Variants in PDHA1 observed in about 807,000 individuals in gnomAD.
The protein encoded by PDHA1 is pyruvate dehydrogenase E1 subunit alpha 1.
A neutral mutation model predicts 33.0 loss-of-function variants in PDHA1; 1 was observed. The observed-to-expected ratio is 0.03, with a 90% CI of 0.01 to 0.14. The LOEUF (loss-of-function observed/expected upper bound fraction) is 0.14, where lower values mean the gene tolerates loss of function less well. Ranked by LOEUF, PDHA1 falls within the 10% of genes least tolerant of loss-of-function variation. The probability of loss-of-function intolerance (pLI) is 1.00; values close to 1 mark genes in which losing one functional copy is unlikely to be tolerated. For synonymous variants in PDHA1, 123 were observed against 119.2 expected (o/e 1.03, Z -0.21); for missense variants, 168 against 325.1 (o/e 0.52, Z 3.72).
intron 3 of PDHA1, among the ~76,000 whole-genome samples, chrX:19,350,697 C>G (rs974314023): frequency 1.8e-5 from 2 of 112,686 alleles, no homozygotes; most frequent in African/African-American, 6.4e-5. Context: ...TTAAAACTTT[C>G]TGGCACTATG....
chrX:19,345,752 C>T (rs764903047), intron 1 of PDHA1: 3 of 261,773 alleles, frequency 1.1e-5, no homozygotes, highest in South Asian at 8.4e-5. Flanking sequence ...GGGTCCCCCC[C>T]CCCCCGCCAC....
rs11318265 is a variant in PDHA1 at position 19,345,572 on chromosome X, TAAAAAAA to T, written c.57+1502_57+1508del. On this transcript the variant is annotated intron_variant, in intron 1 of 10. Coordinates refer to ENST00000422285, the MANE Select transcript of PDHA1 (RefSeq NM_000284.4). Reference sequence around the variant, plus strand: ...GCGACAAGAGCAAGACTCCGTATTTTAAAAAAAAAAAAAAAAAAAAAAAAAAAAAAGC... The same window carrying T: ...GCGACAAGAGCAAGACTCCGTATTTTAAAAAAAAAAAAAAAAAAAAAAAGC... Among the ~76,000 whole-genome samples the T allele has an allele frequency of 1.7e-4, 5 of 30,268 alleles. No individual in the cohort carries two copies. In the South Asian group the frequency reaches 0.011, roughly 69 times the overall value. The allele number at this position is 30,268 out of a possible 115,157, so 26.3% of individuals were successfully genotyped here.
chrX:19,348,041 C>A (rs1304680856), intron 1 of PDHA1, among the ~76,000 whole-genome samples: 1 of 112,473 alleles, frequency 8.9e-6, no homozygotes, highest in Non-Finnish European at 1.9e-5. Flanking sequence ...ACTCTTCTCA[C>A]CAAGATCAGT....
In PDHA1 at chrX:19,353,027, G is replaced by A. The variant is rs992604670; in HGVS notation, c.419-55G>A. ...GAGTACATATTTGGGGTGCGGTTTG[G>A]TTTGCTTTGTAGAGTTGGTTTGTTC... is the stretch of plus-strand genomic sequence containing the variant. On this transcript the variant is annotated intron_variant, in intron 4 of 10. Transcript: ENST00000422285. 3 of 1,013,859 alleles carry A rather than the reference G, an allele frequency of 3.0e-6. No homozygotes were observed. In the African/African-American group the frequency reaches 5.6e-5, roughly 19 times the overall value. 83.6% of individuals were successfully genotyped at this position (1,013,859 alleles called of 1,213,427 possible). A position where few individuals can be genotyped will look rare whatever the true frequency, so the allele number is the denominator to read the frequency against.
intron 2 of PDHA1, 79 bp from the exon 3 acceptor site, chrX:19,349,858 A>G (rs1454147442): frequency 1.3e-5 from 10 of 788,359 alleles, no homozygotes; most frequent in South Asian, 2.1e-5. Flanking sequence ...ATTATTTGCA[A>G]TGGAGTTAGA....
chrX:19,355,806 C>G (rs1446080306), intron 8 of PDHA1, 49 bp downstream of exon 8: 3 of 937,980 alleles, frequency 3.2e-6, no homozygotes, highest in Non-Finnish European at 3.1e-6. Context: ...TCTGGAAGTT[C>G]AAAGACTGCC....
Position 19,359,988 on chromosome X carries a change from GCATTCTACCAACCAT to G in PDHA1, c.*336_*350del. On this transcript the variant is annotated 3_prime_UTR_variant, in exon 11 of 11. Coordinates refer to ENST00000422285, the MANE Select transcript of PDHA1 (RefSeq NM_000284.4). ...GACCATTATGGCGGGGCCCCTCACA[GCATTCTACCAACCAT>G]AGCACCCACCCCGAGCAGCGCTGGT... is the stretch of plus-strand genomic sequence containing the variant. The G allele has an allele frequency of 3.4e-6, 1 of 292,613 alleles. No individual in the cohort carries two copies. Among genetic ancestry groups the G allele is most frequent in the South Asian group, 3.6e-5 (1 of 27,948 alleles). 24.1% of individuals were successfully genotyped at this position (292,613 alleles called of 1,213,427 possible). A position where few individuals can be genotyped will look rare whatever the true frequency, so the allele number is the denominator to read the frequency against.
chrX:19,349,274 A>C, intron 1 of PDHA1, 38 bp from the exon 2 acceptor site: 1 of 964,166 alleles, frequency 1.0e-6, no homozygotes, highest in Non-Finnish European at 1.5e-6. Context: ...CTGACAATTA[A>C]AAAGTACTGA....
chrX:19,359,687 G>GCTACCAGACAGTGTT lies in PDHA1; in HGVS notation c.*37_*51dup, dbSNP rs1031639189. On this transcript the variant is annotated 3_prime_UTR_variant, in exon 11 of 11. Transcript: ENST00000422285. ...GAAGGAGAGGTTATACCTTCAGGGG[G>GCTACCAGACAGTGTT]CTACCAGACAGTGTTCTCAACTTGG... The GCTACCAGACAGTGTT allele has an allele frequency of 4.4e-6, 5 of 1,141,871 alleles. No individual in the cohort carries two copies. Among genetic ancestry groups the GCTACCAGACAGTGTT allele is most frequent in the Admixed American group, 2.2e-5 (1 of 45,528 alleles). 94.1% of individuals were successfully genotyped at this position (1,141,871 alleles called of 1,213,427 possible).
chrX:19,359,193 C>T (rs752541673), intron 10 of PDHA1, among the ~76,000 whole-genome samples, 169 bp downstream of exon 10: 1 of 111,411 alleles, frequency 9.0e-6, no homozygotes, highest in African/African-American at 3.3e-5. Flanking sequence ...CTTTAGTTTC[C>T]TCTATTCAAA....
chrX:19,358,656 C>G (rs2063224693), intron 9 of PDHA1, among the ~76,000 whole-genome samples: 1 of 111,983 alleles, frequency 8.9e-6, no homozygotes, highest in Non-Finnish European at 1.9e-5. Flanking sequence ...AGCCATGTGA[C>G]TCACCAGTGT....
At position 19,361,030 on chromosome X, in the gene PDHA1, G is replaced by C; in HGVS notation, c.*1377G>C. On this transcript the variant is annotated 3_prime_UTR_variant, in exon 11 of 11. Coordinates refer to ENST00000422285, the MANE Select transcript of PDHA1 (RefSeq NM_000284.4). ...GAGAGCTGGCTATTTCAAATGACTC[G>C]GGAACAAGAAGGCAGGCTGCAGTTT... 2 of 421,165 alleles carry C rather than the reference G, an allele frequency of 4.7e-6. No homozygotes were observed. Among genetic ancestry groups the C allele is most frequent in the East Asian group, 3.9e-5 (1 of 25,511 alleles). The allele number at this position is 421,165 out of a possible 1,213,427, so 34.7% of individuals were successfully genotyped here.
chrX:19,359,803 G>A lies in PDHA1; in HGVS notation c.*150G>A. 1 of 514,740 alleles carries A rather than the reference G, an allele frequency of 1.9e-6. No individual in the cohort carries two copies. Among genetic ancestry groups the A allele is most frequent in the Admixed American group, 2.8e-5 (1 of 36,092 alleles). 42.4% of individuals were successfully genotyped at this position (514,740 alleles called of 1,213,427 possible). A position where few individuals can be genotyped will look rare whatever the true frequency, so the allele number is the denominator to read the frequency against. On this transcript the variant is annotated 3_prime_UTR_variant, in exon 11 of 11. Transcript: ENST00000422285. The stretch of plus-strand genomic sequence containing the variant: ...TAGATTGAGCAGGTAGTAATTGCAT[G>A]CAGTTTGTACATTAGTGCATTAAAA...
chrX:19,351,173 A>T (rs2063160815), intron 3 of PDHA1, 108 bp from the exon 4 acceptor site: 2 of 792,441 alleles, frequency 2.5e-6, no homozygotes, highest in South Asian at 4.5e-5. Context: ...TTCTCTGGTT[A>T]TTAATGACAG....
chrX:19,360,517 G>T lies in PDHA1; in HGVS notation c.*864G>T, dbSNP rs192450087. ...CTACAAGTGAATTTCCTAATATTCC[G>T]GGAGGTCAAAACCAAGGCTCACTGT... On this transcript the variant is annotated 3_prime_UTR_variant, in exon 11 of 11. Transcript: ENST00000422285. The T allele has an allele frequency of 3.2e-6, 1 of 308,733 alleles. No homozygotes were observed. Among genetic ancestry groups the T allele is most frequent in the Non-Finnish European group, 5.7e-6 (1 of 176,085 alleles). 25.4% of individuals were successfully genotyped at this position (308,733 alleles called of 1,213,427 possible).
At position 19,359,533 on chromosome X, in the gene PDHA1, G is replaced by T; in HGVS notation, c.1053G>T (p.Gln351His). The T allele has an allele frequency of 8.3e-7, 1 of 1,210,267 alleles. No homozygotes were observed. Among genetic ancestry groups the T allele is most frequent in the Non-Finnish European group, 1.1e-6 (1 of 894,287 alleles). ...EVRKEIEDAA[Q>H]FATADPEPPL... ...GGAAGGAGATTGAGGATGCTGCCCA[G>T]TTTGCCACGGCCGATCCTGAGCCAC... The change falls in exon 11 of 11, where the codon CAG becomes CAT. Residue 351 changes from glutamine to histidine, a missense_variant. Gln to His is a conservative substitution (Grantham distance 24, BLOSUM62 0). Around this residue, in one of 5 missense-constraint regions of PDHA1, gnomAD observed 58 missense variants for 63.4 expected, o/e 0.92. Transcript: ENST00000422285.
At position 19,346,601 on chromosome X, in the gene PDHA1, C is replaced by CT. The variant is rs1569189185; in HGVS notation, c.57+2508dup. 15 of 965,766 alleles carry CT rather than the reference C, an allele frequency of 1.6e-5. No homozygotes were observed. In the Admixed American group the frequency reaches 5.9e-4, roughly 38 times the overall value. 79.6% of individuals were successfully genotyped at this position (965,766 alleles called of 1,213,427 possible). On this transcript the variant is annotated intron_variant, in intron 1 of 10. Coordinates refer to ENST00000422285, the MANE Select transcript of PDHA1 (RefSeq NM_000284.4). ...GGCCTCCCAAAGTGCTGGGATTACT[C>CT]TCACTCTCTTAAAACCAGGCAGGTA...
At position 19,359,731 on chromosome X, in the gene PDHA1, C is replaced by A; in HGVS notation, c.*78C>A. 1 of 947,606 alleles carries A rather than the reference C, an allele frequency of 1.1e-6. No homozygotes were observed. The highest frequency in any genetic ancestry group is 3.1e-5 in the East Asian group (1 of 32,592). 78.1% of individuals were successfully genotyped at this position (947,606 alleles called of 1,213,427 possible). Reference sequence around the variant, plus strand: ...AACTTGGTTAAGGAGGAAGAAAACCCAGTCAATGAAATTCAATGAAATTCT... The same window carrying A: ...AACTTGGTTAAGGAGGAAGAAAACCAAGTCAATGAAATTCAATGAAATTCT... On this transcript the variant is annotated 3_prime_UTR_variant, in exon 11 of 11. Coordinates refer to ENST00000422285, the MANE Select transcript of PDHA1 (RefSeq NM_000284.4).
intron 8 of PDHA1, among the ~76,000 whole-genome samples, chrX:19,356,905 C>T (rs1011516695): frequency 1.8e-5 from 2 of 112,051 alleles, no homozygotes; most frequent in African/African-American, 6.5e-5. Context: ...TGTTCAGAGC[C>T]GTCTCCTGGA....
Sources: gnomAD v4.1 joint callset for allele counts (sites outside exome capture counted in the v4.1 genomes callset) on GRCh38, gnomAD v4.1.1 for gene constraint, gnomAD v4.1.1 regional missense constraint, MANE v1.5 for transcripts, NCBI Gene and HGNC (gene_info 2026-07-23, HGNC 2026-07-21) for gene names.